MPHOSPH9: variants seen among roughly 807,000 people sequenced by gnomAD.
MPHOSPH9 encodes M-phase phosphoprotein 9.
Under a neutral mutation model 145.5 loss-of-function variants are expected in MPHOSPH9, and 88 were observed. That is an observed-to-expected ratio of 0.60 (90% CI 0.51 to 0.72). MPHOSPH9 has a LOEUF of 0.72. Ranked by LOEUF, MPHOSPH9 falls within the 30% of genes least tolerant of loss-of-function variation. The pLI, the probability that MPHOSPH9 is intolerant of heterozygous loss-of-function variation, is 0.00. For missense variants in MPHOSPH9, 1,238 were observed against 1,386.6 expected (o/e 0.89, Z 1.70); for synonymous variants, 435 against 486.2 (o/e 0.89, Z 1.39).
chr12:123,227,935 T>C (rs567070857), intron 2 of MPHOSPH9, among the ~76,000 whole-genome samples: 12 of 152,328 alleles, frequency 7.9e-5, no homozygotes, highest in African/African-American at 2.9e-4. Flanking sequence ...ATCTCAGCTA[T>C]TCCAGAGGAT....
chr12:123,206,516 A>G (rs10846482), intron 8 of MPHOSPH9, among the ~76,000 whole-genome samples: 6 of 88,624 alleles, frequency 6.8e-5, no homozygotes, highest in Admixed American at 3.0e-4. Context: ...GGAGAGGAGA[A>G]GAGAAGAGAA....
chr12:123,162,110 G>C lies in MPHOSPH9; in HGVS notation c.3133+5C>G. On this transcript the variant is annotated splice_donor_5th_base_variant and intron_variant, in intron 21 of 23. Transcript: ENST00000606320. ...CCATAACTAATATTTTTTAGGAAAAGATACCTTCCGAGTCATCTAGAGGAA... is the reference window on the plus strand; with the variant it reads ...CCATAACTAATATTTTTTAGGAAAACATACCTTCCGAGTCATCTAGAGGAA... 6.6e-7 allele frequency: 1 copy of C among 1,514,838 alleles called. No homozygotes were observed. The allele number at this position is 1,514,838 out of a possible 1,614,324, so 93.8% of individuals were successfully genotyped here. A position where few individuals can be genotyped will look rare whatever the true frequency, so the allele number is the denominator to read the frequency against.
intron 13 of MPHOSPH9, among the ~76,000 whole-genome samples, chr12:123,182,596 G>C (rs2045233627): frequency 6.6e-6 from 1 of 151,220 alleles, no homozygotes; most frequent in Non-Finnish European, 1.5e-5. Flanking sequence ...AAAGCACAAT[G>C]CCAAAGTCTT....
In MPHOSPH9 at chr12:123,230,440, C is replaced by A; in HGVS notation, c.-76G>T. 1 of 799,266 alleles carries A rather than the reference C, an allele frequency of 1.3e-6. No individual in the cohort carries two copies. The highest frequency in any genetic ancestry group is 1.9e-5 in the South Asian group (1 of 51,918). 49.5% of individuals were successfully genotyped at this position (799,266 alleles called of 1,614,324 possible). A position where few individuals can be genotyped will look rare whatever the true frequency, so the allele number is the denominator to read the frequency against. On this transcript the variant is annotated 5_prime_UTR_variant, in exon 2 of 24. An upstream start codon of the reference 5' UTR is lost. Transcript: ENST00000606320. ...CTGTTTGAGAAAAATGAATCCGTGT[C>A]ATCTTCAGAGGCTTCATCATCTACT...
At chr12:123,235,839 G>A (rs1194233364), upstream of MPHOSPH9, among the ~76,000 whole-genome samples, 3 of 151,896 alleles carry the variant, frequency 2.0e-5, no homozygotes, top group Non-Finnish European at 2.9e-5. Flanking sequence ...CGAGGCAAGC[G>A]GATCGCTTGA....
chr12:123,239,982 A>G (rs962416125), intron 1 of MPHOSPH9, among the ~76,000 whole-genome samples: 6 of 152,122 alleles, frequency 3.9e-5, no homozygotes, highest in African/African-American at 7.2e-5. Context: ...CCAGAATACT[A>G]GCAGCATCCT....
chr12:123,221,441 G>C lies in MPHOSPH9; in HGVS notation c.803C>G (p.Pro268Arg). 1 of 1,612,652 alleles carries C rather than the reference G, an allele frequency of 6.2e-7. No homozygotes were observed. The highest frequency in any genetic ancestry group is 8.5e-7 in the Non-Finnish European group (1 of 1,179,472). ...VSLKEDVSIS[P>R]GEFEHNFLGE... Reference sequence around the variant, plus strand: ...AAGAAAATTATGTTCAAATTCACCAGGAGAAATGGATACATCTTCCTTTAA... The same window carrying C: ...AAGAAAATTATGTTCAAATTCACCACGAGAAATGGATACATCTTCCTTTAA... Residue 268 changes from proline to arginine, a missense_variant, in exon 5 of 24, where the codon CCT (proline) becomes CGT (arginine). By Grantham distance (103) the Pro-to-Arg change is moderately radical (BLOSUM62 -2). Around this residue, in one of 3 missense-constraint regions of MPHOSPH9, gnomAD observed 837 missense variants for 897.5 expected, o/e 0.93. Transcript: ENST00000606320.
intron 5 of MPHOSPH9, 101 bp downstream of exon 5, chr12:123,221,271 G>C: frequency 2.1e-6 from 2 of 968,292 alleles, no homozygotes; most frequent in Non-Finnish European, 3.0e-6. Flanking sequence ...GCAATGAACT[G>C]ATAAATGTTC....
At chr12:123,211,973 G>C (rs889354274) in intron 7 of MPHOSPH9, among the ~76,000 whole-genome samples, 46 of 152,162 alleles carry the variant, frequency 3.0e-4, no homozygotes, top group Non-Finnish European at 5.7e-4. Flanking sequence ...GGGATCACAG[G>C]TGTGAGCCAC....
chr12:123,218,146 C>T (rs531147970), intron 6 of MPHOSPH9, among the ~76,000 whole-genome samples: 2 of 151,770 alleles, frequency 1.3e-5, no homozygotes, highest in Admixed American at 6.6e-5. Flanking sequence ...ACAGGAGAAT[C>T]GCTTGAACCT....
At position 123,202,880 on chromosome 12, in the gene MPHOSPH9, A is replaced by G; in HGVS notation, c.1525T>C (p.Tyr509His). ...GGAGAAGCTTTTGTGTGTGAGGGATATTTTGGAAATCCAGGTAACTGAGAA... is the reference window on the plus strand; with the variant it reads ...GGAGAAGCTTTTGTGTGTGAGGGATGTTTTGGAAATCCAGGTAACTGAGAA... ...VTSQLPGFPK[Y>H]PSHTKASPVD... is the part of the protein sequence containing the mutation. Residue 509 changes from tyrosine (Y) to histidine (H), a missense_variant, in exon 10 of 24, where the codon TAT (tyrosine) becomes CAT (histidine). Physicochemically the swap from Tyr to His is moderately conservative, Grantham distance 83. Around this residue, in one of 3 missense-constraint regions of MPHOSPH9, gnomAD observed 837 missense variants for 897.5 expected, o/e 0.93. Coordinates refer to ENST00000606320, the MANE Select transcript of MPHOSPH9 (RefSeq NM_022782.4). The G allele has an allele frequency of 1.2e-6, 2 of 1,614,190 alleles. No individual in the cohort carries two copies. Among genetic ancestry groups the G allele is most frequent in the Non-Finnish European group, 1.7e-6 (2 of 1,180,034 alleles).
Position 123,223,034 on chromosome 12 carries a change from T to C in MPHOSPH9, c.348+4A>G. On this transcript the variant is annotated splice_donor_region_variant and intron_variant, in intron 4 of 23. Transcript: ENST00000606320. ...AAAAGGAATCAATGTAAATGGTAACTTACTTGAATTTGGTTGTGGAACTGC... is the reference window on the plus strand; with the variant it reads ...AAAAGGAATCAATGTAAATGGTAACCTACTTGAATTTGGTTGTGGAACTGC... 6.6e-7 allele frequency: 1 copy of C among 1,510,162 alleles called. No homozygotes were observed. The allele number at this position is 1,510,162 out of a possible 1,614,324, so 93.5% of individuals were successfully genotyped here.
Position 123,159,761 on chromosome 12 carries a change from T to C in MPHOSPH9, c.3450+1020A>G, listed in dbSNP as rs1305634373. On this transcript the variant is annotated intron_variant, in intron 23 of 23. Transcript: ENST00000606320. This position sits in a 1 kb window ranked among gnomAD's most constrained non-coding sequence, Gnocchi z 4.3. ...AATTAGAAGCAACCCAAATTTCTACTAAAACATTCTTGGTTAAATACGTTA... is the reference window on the plus strand; with the variant it reads ...AATTAGAAGCAACCCAAATTTCTACCAAAACATTCTTGGTTAAATACGTTA... 6.6e-6 allele frequency: 1 copy of C among 152,264 alleles called. No individual in the cohort carries two copies. Among genetic ancestry groups the C allele is most frequent in the Non-Finnish European group, 1.5e-5 (1 of 68,052 alleles). 9.4% of individuals were successfully genotyped at this position (152,264 alleles called of 1,614,324 possible).
chr12:123,167,376 A>G (rs147656772), intron 16 of MPHOSPH9, among the ~76,000 whole-genome samples: 42 of 152,336 alleles, frequency 2.8e-4, no homozygotes, highest in African/African-American at 9.4e-4. Flanking sequence ...GCAGCCTCTC[A>G]CACAGATGCT....
At chr12:123,241,638 C>G (rs920389558) in intron 1 of MPHOSPH9, among the ~76,000 whole-genome samples, 1 of 152,028 alleles carries the variant, frequency 6.6e-6, no homozygotes, top group African/African-American at 2.4e-5. Context: ...CCATGCCCAG[C>G]CTATTTTGTT....
At chr12:123,212,558 T>C (rs2046773388) in intron 7 of MPHOSPH9, among the ~76,000 whole-genome samples, 1 of 151,622 alleles carries the variant, frequency 6.6e-6, no homozygotes, top group Non-Finnish European at 1.5e-5. Flanking sequence ...AAATACAAAA[T>C]TAGCTGGGCG....
intron 7 of MPHOSPH9, among the ~76,000 whole-genome samples, chr12:123,213,351 T>C (rs1790134): frequency 0.55 from 82,807 of 151,898 alleles, 27,169 homozygotes; most frequent in Non-Finnish European, 0.71. Flanking sequence ...TTCAATTTTT[T>C]TTTTTCTTGA....
At chr12:123,226,496 T>G (rs1242411889) in intron 3 of MPHOSPH9, 1 of 185,516 alleles carries the variant, frequency 5.4e-6, no homozygotes, top group Non-Finnish European at 1.0e-5. Context: ...TTGAGCATTA[T>G]CCTATGAAAT....
chr12:123,176,795 T>C lies in MPHOSPH9; in HGVS notation c.2355-6A>G. 1 of 1,587,898 alleles carries C rather than the reference T, an allele frequency of 6.3e-7. No homozygotes were observed. Among genetic ancestry groups the C allele is most frequent in the Admixed American group, 1.7e-5 (1 of 59,828 alleles). On this transcript the variant is annotated splice_polypyrimidine_tract_variant and splice_region_variant and intron_variant, in intron 15 of 23. Coordinates refer to ENST00000606320, the MANE Select transcript of MPHOSPH9 (RefSeq NM_022782.4). ...CTTCAAGTTTTGAAATCATTCTAAT[T>C]CAAAAGCAATAAAGATAAATTAAGT...
Sources: gnomAD v4.1 joint callset for allele counts (sites outside exome capture counted in the v4.1 genomes callset) on GRCh38, gnomAD v4.1.1 for gene constraint, gnomAD v4.1.1 regional missense constraint, Gnocchi (gnomAD v3.1) non-coding constraint, MANE v1.5 for transcripts, NCBI Gene and HGNC (gene_info 2026-07-23, HGNC 2026-07-21) for gene names.